CCBE1: variants seen among roughly 807,000 people sequenced by gnomAD.
CCBE1 encodes the protein collagen and calcium-binding EGF domain-containing protein 1.
In CCBE1, 37 loss-of-function variants were observed where a neutral mutation model predicts 50.0. The ratio of observed to expected loss-of-function variants is 0.74; its 90% CI spans 0.57 to 0.97. The LOEUF is 0.97. Among genes scored for constraint, CCBE1 ranks in the 50% least tolerant of loss-of-function variants. CCBE1 has a pLI of 0.00. For synonymous variants in CCBE1, 234 were observed against 203.7 expected (o/e 1.15, Z -1.27); for missense variants, 538 against 523.8 (o/e 1.03, Z -0.26).
intron 2 of CCBE1, among the ~76,000 whole-genome samples, chr18:59,594,504 G>A (rs2053321322): frequency 6.6e-6 from 1 of 152,214 alleles, no homozygotes; most frequent in Admixed American, 6.5e-5. Flanking sequence ...CTTAATGCCA[G>A]TGAACTGCTC....
intron 2 of CCBE1, among the ~76,000 whole-genome samples, chr18:59,599,089 T>A (rs1046627116): frequency 6.6e-6 from 1 of 151,810 alleles, no homozygotes; most frequent in Non-Finnish European, 1.5e-5. Flanking sequence ...CCTTTCTTCT[T>A]CTACTACTAC....
intron 2 of CCBE1, among the ~76,000 whole-genome samples, chr18:59,509,250 T>G (rs541856802): frequency 6.6e-6 from 1 of 152,242 alleles, no homozygotes; most frequent in South Asian, 2.1e-4. Context: ...TCCTGGGCAT[T>G]GCCTAACAAA....
In CCBE1 at chr18:59,543,834, C is replaced by CAAAAAAAAAAAA. The variant is rs10678902; in HGVS notation, c.213-63608_213-63597dup. Among the ~76,000 whole-genome samples the CAAAAAAAAAAAA allele has an allele frequency of 1.2e-3, 84 of 68,988 alleles. 3 individuals are homozygous for CAAAAAAAAAAAA. Among genetic ancestry groups the CAAAAAAAAAAAA allele is most frequent in the African/African-American group, 5.6e-3 (77 of 13,812 alleles). 45.3% of individuals were successfully genotyped at this position (68,988 alleles called of 152,430 possible). On this transcript the variant is annotated intron_variant, in intron 2 of 10. Coordinates refer to ENST00000439986, the MANE Select transcript of CCBE1 (RefSeq NM_133459.4). The stretch of plus-strand genomic sequence containing the variant: ...TGGGAGATAGAGCGAGACTCCGTCT[C>CAAAAAAAAAAAA]AAAAAAAAAAAAAAAAAAAAAAAAC...
chr18:59,549,804 T>C (rs914414354), intron 2 of CCBE1, among the ~76,000 whole-genome samples: 5 of 152,200 alleles, frequency 3.3e-5, no homozygotes, highest in African/African-American at 1.2e-4. Flanking sequence ...TGCACTGAAA[T>C]TGATTCTTCT....
Position 59,675,978 on chromosome 18 carries a change from C to A in CCBE1, c.212+20651G>T, listed in dbSNP as rs114976277. On this transcript the variant is annotated intron_variant, in intron 2 of 10. Transcript: ENST00000439986. ...AGTTAATAAAAGCCAAAAACTACAT[C>A]CCCCCGCCCTACCTTCATAGGCCAT... 5.3e-3 allele frequency among the ~76,000 whole-genome samples: 812 copies of A among 152,240 alleles called. 8 individuals are homozygous for A. Among genetic ancestry groups the A allele is most frequent in the African/African-American group, 0.019 (786 of 41,554 alleles).
chr18:59,470,924 T>A (rs1275085852), intron 3 of CCBE1, among the ~76,000 whole-genome samples: 1 of 152,226 alleles, frequency 6.6e-6, no homozygotes, highest in Non-Finnish European at 1.5e-5. Context: ...GCTGCCCTTG[T>A]AAAATACTCC....
chr18:59,645,352 A>G (rs1387400679), intron 2 of CCBE1, among the ~76,000 whole-genome samples: 4 of 152,262 alleles, frequency 2.6e-5, no homozygotes, highest in African/African-American at 7.2e-5. Context: ...GACATTGGAT[A>G]CATTCAGTGT....
intron 10 of CCBE1, 58 bp from the exon 11 acceptor site, chr18:59,436,199 C>A (rs1910151256): frequency 6.7e-7 from 1 of 1,485,020 alleles, no homozygotes; most frequent in Non-Finnish European, 9.4e-7. Context: ...GCCTCCGGGG[C>A]TCCATGACTT....
rs898664331 is a variant in CCBE1 at position 59,543,703 on chromosome 18, C to T, written c.213-63465G>A. On this transcript the variant is annotated intron_variant, in intron 2 of 10. Transcript: ENST00000439986. ...ACAGAAAATTAGCCGGGTGTGGTGG[C>T]GGGCGCCTGTAGTCCCAGCTATTCA... 2.6e-5 allele frequency among the ~76,000 whole-genome samples: 4 copies of T among 152,068 alleles called. No individual in the cohort carries two copies. The East Asian group carries it at 5.8e-4, about 22-fold the overall frequency.
At chr18:59,667,836 C>G (rs1469318108) in intron 2 of CCBE1, among the ~76,000 whole-genome samples, 2 of 152,122 alleles carry the variant, frequency 1.3e-5, no homozygotes, top group African/African-American at 4.8e-5. Context: ...GTAATTTTCC[C>G]TGTTCACCTG....
intron 7 of CCBE1, 75 bp from the exon 8 acceptor site, chr18:59,439,891 A>C (rs1598901628): frequency 1.3e-6 from 2 of 1,508,342 alleles, no homozygotes. Context: ...AGAGTCCAGG[A>C]CCCCTGCAGC....
chr18:59,439,838 T>G (rs775973554), intron 7 of CCBE1, 22 bp from the exon 8 acceptor site: 2 of 1,612,518 alleles, frequency 1.2e-6, no homozygotes, highest in Non-Finnish European at 1.7e-6. Flanking sequence ...GAACACCTCA[T>G]TAGCTCACAG....
chr18:59,682,945 A>G (rs545467002), intron 2 of CCBE1, among the ~76,000 whole-genome samples: 1 of 152,370 alleles, frequency 6.6e-6, no homozygotes, highest in South Asian at 2.1e-4. Context: ...CCCTGTAGGA[A>G]CTACAGAGTG....
chr18:59,615,678 C>T (rs560813212), intron 2 of CCBE1, among the ~76,000 whole-genome samples: 99 of 152,192 alleles, frequency 6.5e-4, no homozygotes, highest in Non-Finnish European at 1.1e-3. Flanking sequence ...TTTATTTAAC[C>T]AGCTGCCTCG....
At chr18:59,580,950 TGAG>T (rs1367839958) in intron 2 of CCBE1, among the ~76,000 whole-genome samples, 1 of 152,152 alleles carries the variant, frequency 6.6e-6, no homozygotes, top group African/African-American at 2.4e-5. Context: ...CTCCCGTGGA[TGAG>T]GAGAGGCACC....
At chr18:59,652,360 G>A (rs1241227365) in intron 2 of CCBE1, among the ~76,000 whole-genome samples, 1 of 152,190 alleles carries the variant, frequency 6.6e-6, no homozygotes, top group Non-Finnish European at 1.5e-5. Context: ...CAATAGCACC[G>A]TTGGGACTCT....
chr18:59,605,791 G>T (rs908888689), intron 2 of CCBE1, among the ~76,000 whole-genome samples: 1 of 152,136 alleles, frequency 6.6e-6, no homozygotes, highest in Admixed American at 6.5e-5. Context: ...TACTTGAGTT[G>T]TTGCCAGAGA....
chr18:59,681,950 C>G (rs1029515660), intron 2 of CCBE1, among the ~76,000 whole-genome samples: 1 of 152,176 alleles, frequency 6.6e-6, no homozygotes, highest in Non-Finnish European at 1.5e-5. Context: ...CCCTGTCAGA[C>G]GGTCAGACCT....
At chr18:59,476,952 C>G (rs988004936) in intron 3 of CCBE1, among the ~76,000 whole-genome samples, 1 of 152,174 alleles carries the variant, frequency 6.6e-6, no homozygotes, top group Non-Finnish European at 1.5e-5. Flanking sequence ...CCTACTGATC[C>G]ACTAGCAAAA....
Sources: allele counts gnomAD v4.1 joint callset (sites outside exome capture counted in the v4.1 genomes callset), GRCh38; gene constraint gnomAD v4.1.1; transcripts MANE v1.5; gene names NCBI Gene and HGNC (gene_info 2026-07-23, HGNC 2026-07-21).